The following SERINC3 variants were observed in gnomAD, a reference collection of about 807,000 sequenced individuals.
The protein encoded by SERINC3 is serine incorporator 3.
Under a neutral mutation model 52.1 loss-of-function variants are expected in SERINC3, and 22 were observed. That is an observed-to-expected ratio of 0.42 (90% CI 0.30 to 0.60). SERINC3 has a LOEUF of 0.60. Ranked by LOEUF, SERINC3 falls within the 20% of genes least tolerant of loss-of-function variation. SERINC3 has a pLI of 0.16. For synonymous variants in SERINC3, 226 were observed against 212.7 expected (o/e 1.06, Z -0.54); for missense variants, 564 against 584.6 (o/e 0.96, Z 0.36).
downstream of SERINC3, among the ~76,000 whole-genome samples, chr20:44,496,612 G>A (rs1331014516): frequency 6.6e-6 from 1 of 152,084 alleles, no homozygotes; most frequent in Non-Finnish European, 1.5e-5. Flanking sequence ...TGGCCAACAT[G>A]GTGAAATCCC....
chr20:44,510,032 C>T lies in SERINC3; in HGVS notation c.476-4G>A, dbSNP rs1410594376. On this transcript the variant is annotated splice_region_variant and splice_polypyrimidine_tract_variant and intron_variant, in intron 4 of 9. Coordinates refer to ENST00000342374, the MANE Select transcript of SERINC3 (RefSeq NM_006811.4). Reference sequence around the variant, plus strand: ...ATCATGCCAACAACAAACCAGACTACAAGAACCAAGAGAACAAAGTTATTC... The same window carrying T: ...ATCATGCCAACAACAAACCAGACTATAAGAACCAAGAGAACAAAGTTATTC... The T allele has an allele frequency of 1.2e-6, 2 of 1,613,680 alleles. No individual in the cohort carries two copies. Among genetic ancestry groups the T allele is most frequent in the Non-Finnish European group, 8.5e-7 (1 of 1,179,624 alleles).
chr20:44,504,915 T>A (rs756024250), intron 6 of SERINC3, 24 bp from the exon 7 acceptor site: 1 of 1,597,006 alleles, frequency 6.3e-7, no homozygotes, highest in South Asian at 1.1e-5. Context: ...AGGAAAACAG[T>A]GGCACAGGGA....
intron 3 of SERINC3, 24 bp downstream of exon 3, chr20:44,512,777 C>A: frequency 6.5e-7 from 1 of 1,528,218 alleles, no homozygotes; most frequent in Admixed American, 2.5e-5. Flanking sequence ...ATAATGTAAC[C>A]AGTTAATCAT....
In SERINC3 at chr20:44,500,408, G is replaced by A. The variant is rs1339775233; in HGVS notation, c.1310C>T (p.Thr437Ile). 6.3e-7 allele frequency: 1 copy of A among 1,577,484 alleles called. No homozygotes were observed. Among genetic ancestry groups the A allele is most frequent in the South Asian group, 1.2e-5 (1 of 86,240 alleles). The change falls in exon 10 of 10, where the codon ACC becomes ATC. Residue 437 changes from threonine (T) to isoleucine (I), a missense_variant. Thr to Ile is a moderately conservative substitution (Grantham distance 89). Transcript: ENST00000342374. ...GACCCACACAGCTGGCCACTTGCTG[G>A]TCATGCTCTGAAACTTTGCATCAGG... ...YSPDAKFQSM[T>I]SKWPAVWVKI...
At position 44,503,833 on chromosome 20, in the gene SERINC3, A is replaced by T; in HGVS notation, c.1037T>A (p.Leu346His). Residue 346 changes from leucine to histidine, a missense_variant, in exon 8 of 10, where the codon CTC (leucine) becomes CAC (histidine). Coordinates refer to ENST00000342374, the MANE Select transcript of SERINC3 (RefSeq NM_006811.4). ...DNFIGLFVFVLCLLYSSIRTS... is the reference protein window; with the variant it reads ...DNFIGLFVFVHCLLYSSIRTS... ...AACTTACCTAGAATACAAGAGGCAG[A>T]GAACAAAGACAAACAGTCCAATAAA... 6.4e-7 allele frequency: 1 copy of T among 1,562,442 alleles called. No homozygotes were observed. Among genetic ancestry groups the T allele is most frequent in the Non-Finnish European group, 8.6e-7 (1 of 1,162,280 alleles).
chr20:44,514,025 T>C lies in SERINC3; in HGVS notation c.55A>G (p.Ser19Gly). Residue 19 changes from serine to glycine, a missense_variant, in exon 2 of 10, where the codon AGC becomes GGC. Physicochemically the swap from Ser to Gly is moderately conservative, Grantham distance 56 (BLOSUM62 0). Transcript: ENST00000342374. Reference protein sequence around the residue: ...SLASWVPCLCSGASCLLCSCC... With the variant: ...SLASWVPCLCGGASCLLCSCC... ...CTACACAGCAAACATGAGGCACCGC[T>C]GCAGAGGCATGGAACCTGGAATGAG... The C allele has an allele frequency of 6.2e-7, 1 of 1,613,994 alleles. No individual in the cohort carries two copies. Among genetic ancestry groups the C allele is most frequent in the Non-Finnish European group, 8.5e-7 (1 of 1,179,918 alleles).
intron 1 of SERINC3, among the ~76,000 whole-genome samples, chr20:44,519,911 C>A (rs554128074): frequency 6.6e-6 from 1 of 152,156 alleles, no homozygotes; most frequent in African/African-American, 2.4e-5. Context: ...CTTGGAATAA[C>A]CAGCGTCTTT....
intron 6 of SERINC3, among the ~76,000 whole-genome samples, chr20:44,506,044 T>C (rs963526312): frequency 6.6e-6 from 1 of 151,784 alleles, no homozygotes; most frequent in Non-Finnish European, 1.5e-5. Flanking sequence ...CTCACAACTG[T>C]AAAACCAGCA....
Position 44,499,734 on chromosome 20 carries a change from G to C in SERINC3, c.*562C>G, listed in dbSNP as rs1326563500. On this transcript the variant is annotated 3_prime_UTR_variant, in exon 10 of 10. Coordinates refer to ENST00000342374, the MANE Select transcript of SERINC3 (RefSeq NM_006811.4). Reference sequence around the variant, plus strand: ...AGTAAATTAAAAAACTCAAGATGTAGAAGCAGTAGCCATATCAGCAACCAT... The same window carrying C: ...AGTAAATTAAAAAACTCAAGATGTACAAGCAGTAGCCATATCAGCAACCAT... 1 of 152,298 alleles carries C rather than the reference G, an allele frequency of 6.6e-6. No individual in the cohort carries two copies. The highest frequency in any genetic ancestry group is 1.5e-5 in the Non-Finnish European group (1 of 68,044). 9.4% of individuals were successfully genotyped at this position (152,298 alleles called of 1,614,324 possible).
At position 44,506,936 on chromosome 20, in the gene SERINC3, T is replaced by C. The variant is rs965532362; in HGVS notation, c.674A>G (p.Tyr225Cys). The C allele has an allele frequency of 6.8e-6, 11 of 1,613,300 alleles. No homozygotes were observed. The highest frequency in any genetic ancestry group is 1.3e-5 in the African/African-American group (1 of 74,872). Reference protein sequence around the residue: ...ILSIICVGLLYTYYTKPDGCT... With the variant: ...ILSIICVGLLCTYYTKPDGCT... ...GCCATCTGGTTTGGTGTAATATGTA[T>C]AGAGCAGCCCGACACAGATGATTGA... Residue 225 changes from tyrosine to cysteine, a missense_variant, in exon 6 of 10, where the codon TAT (tyrosine) becomes TGT (cysteine). By Grantham distance (194) the Tyr-to-Cys change is radical. Transcript: ENST00000342374.
intron 5 of SERINC3, among the ~76,000 whole-genome samples, chr20:44,509,441 AT>A (rs2064333694): frequency 6.6e-6 from 1 of 152,234 alleles, no homozygotes; most frequent in Non-Finnish European, 1.5e-5. Flanking sequence ...AAATCGAACA[AT>A]TTATATTATC....
chr20:44,504,881 G>C lies in SERINC3; in HGVS notation c.794C>G (p.Pro265Arg). 5 of 1,613,124 alleles carry C rather than the reference G, an allele frequency of 3.1e-6. No homozygotes were observed. Among genetic ancestry groups the C allele is most frequent in the Non-Finnish European group, 4.2e-6 (5 of 1,179,270 alleles). ...GGAGGACTGCAAGAGGCCGGAGCGA[G>C]GCTGGTGTTCCTATGGAATCAAAAG... ...SIHPKIQEHQ[P>R]RSGLLQSSLI... The change falls in exon 7 of 10, where the codon CCT (proline) becomes CGT (arginine). Residue 265 changes from proline (P) to arginine (R), a missense_variant. Coordinates refer to ENST00000342374, the MANE Select transcript of SERINC3 (RefSeq NM_006811.4).
rs1388712909 is a variant in SERINC3, at chr20:44,503,983, T to C, written c.887A>G (p.Asn296Ser). The change falls in exon 8 of 10, where the codon AAT becomes AGT. Residue 296 changes from asparagine (N) to serine (S), a missense_variant. Coordinates refer to ENST00000342374, the MANE Select transcript of SERINC3 (RefSeq NM_006811.4). ...AMSNEPDRSCNPNLMSFITRI... is the reference protein window; with the variant it reads ...AMSNEPDRSCSPNLMSFITRI... Reference sequence around the variant, plus strand: ...TGTAATAAAGCTCATCAGGTTGGGATTGCAGGAACGATCTGAAAATGAGAA... The same window carrying C: ...TGTAATAAAGCTCATCAGGTTGGGACTGCAGGAACGATCTGAAAATGAGAA... 2.5e-6 allele frequency: 4 copies of C among 1,575,634 alleles called. No individual in the cohort carries two copies. Among genetic ancestry groups the C allele is most frequent in the Non-Finnish European group, 3.4e-6 (4 of 1,168,860 alleles).
chr20:44,508,165 A>G (rs1375104328), intron 5 of SERINC3, among the ~76,000 whole-genome samples: 1 of 152,190 alleles, frequency 6.6e-6, no homozygotes, highest in African/African-American at 2.4e-5. Flanking sequence ...AAATTCTTCT[A>G]GAGTTGTATG....
At chr20:44,520,424 T>TA (rs1331731927) in intron 1 of SERINC3, among the ~76,000 whole-genome samples, 9 of 152,002 alleles carry the variant, frequency 5.9e-5, no homozygotes, top group Admixed American at 3.3e-4. Flanking sequence ...ATAGTAGCCA[T>TA]AAAAAAAGAA....
chr20:44,509,435 C>A (rs868083177), intron 5 of SERINC3, among the ~76,000 whole-genome samples: 5 of 152,098 alleles, frequency 3.3e-5, no homozygotes, highest in Admixed American at 3.3e-4. Flanking sequence ...TTGGGAAAAT[C>A]GAACAATTTA....
chr20:44,517,355 T>C (rs916114784), intron 1 of SERINC3, among the ~76,000 whole-genome samples: 3 of 152,226 alleles, frequency 2.0e-5, no homozygotes, highest in African/African-American at 7.2e-5. Context: ...CAAATTCTTA[T>C]GTTGAAGTCC....
At chr20:44,502,472 A>G (rs997637000) in intron 8 of SERINC3, among the ~76,000 whole-genome samples, 4 of 151,640 alleles carry the variant, frequency 2.6e-5, no homozygotes, top group African/African-American at 9.7e-5. Context: ...AGTTTCAGCT[A>G]CTCAGGAGGC....
chr20:44,513,826 C>A, intron 2 of SERINC3, 53 bp downstream of exon 2: 1 of 1,415,402 alleles, frequency 7.1e-7, no homozygotes, highest in South Asian at 1.5e-5. Flanking sequence ...TAGAATTTTG[C>A]AGAATATAAA....
Sources: allele counts gnomAD v4.1 joint callset (sites outside exome capture counted in the v4.1 genomes callset), GRCh38; gene constraint gnomAD v4.1.1; transcripts MANE v1.5; gene names NCBI Gene and HGNC (gene_info 2026-07-23, HGNC 2026-07-21).